The following RIMBP2 variants were observed in gnomAD, a reference collection of about 807,000 sequenced individuals.
RIMBP2 encodes the protein RIMS-binding protein 2.
RIMBP2 carries 48 observed loss-of-function variants against 118.6 expected under a neutral mutation model. The observed-to-expected ratio is 0.40, with a 90% confidence interval of 0.32 to 0.51. The LOEUF (loss-of-function observed/expected upper bound fraction) is 0.51. RIMBP2 is among the 20% of genes least tolerant of loss of function. RIMBP2 has a pLI of 0.41. For missense variants in RIMBP2, 1,551 were observed against 1,768.3 expected (o/e 0.88, Z 2.20); for synonymous variants, 762 against 742.9 (o/e 1.03, Z -0.42).
intron 6 of RIMBP2, among the ~76,000 whole-genome samples, chr12:130,468,160 T>G (rs78450136): frequency 1.3e-5 from 2 of 152,208 alleles, no homozygotes; most frequent in Non-Finnish European, 2.9e-5. Context: ...CATGGTTTCT[T>G]GGTCAACAGC....
chr12:130,436,092 C>G (rs1304684530), intron 13 of RIMBP2, among the ~76,000 whole-genome samples: 1 of 152,216 alleles, frequency 6.6e-6, no homozygotes, highest in Admixed American at 6.5e-5. Flanking sequence ...GAGATGAGAG[C>G]GGGTTCTGGG....
rs983882776 is a variant in RIMBP2, at chr12:130,695,773, G to A, written c.-352+20449C>T. On this transcript the variant is annotated intron_variant, in intron 1 of 22. Coordinates refer to ENST00000690449, the MANE Select transcript of RIMBP2 (RefSeq NM_001393629.1). Reference sequence around the variant, plus strand: ...GGATGGCTGTCTAGGTGAAGGGCAGGCTGGTCTGGACTAAGGAGCTAGCAG... The same window carrying A: ...GGATGGCTGTCTAGGTGAAGGGCAGACTGGTCTGGACTAAGGAGCTAGCAG... Among the ~76,000 whole-genome samples the A allele has an allele frequency of 3.2e-4, 48 of 152,224 alleles. 1 individual carries two copies. Among genetic ancestry groups the A allele is most frequent in the African/African-American group, 1.1e-3 (45 of 41,530 alleles).
In RIMBP2 at chr12:130,567,279, G is replaced by A. The variant is rs138952413; in HGVS notation, c.-216-49362C>T. ...ACATGTTTGCAGGCCCCAGGTTTCC[G>A]CATGGTCTGGCAGCTGGCGTATGCA... is the stretch of plus-strand genomic sequence containing the variant. On this transcript the variant is annotated intron_variant, in intron 2 of 22. Coordinates refer to ENST00000690449, the MANE Select transcript of RIMBP2 (RefSeq NM_001393629.1). Among the ~76,000 whole-genome samples, 552 of 152,268 alleles carry A rather than the reference G, an allele frequency of 3.6e-3. 2 individuals carry two copies. The highest frequency in any genetic ancestry group is 0.013 in the African/African-American group (520 of 41,536).
At chr12:130,649,968 A>G (rs1387837333) in intron 1 of RIMBP2, among the ~76,000 whole-genome samples, 2 of 152,040 alleles carry the variant, frequency 1.3e-5, no homozygotes, top group South Asian at 4.2e-4. Flanking sequence ...GAGATTCAAC[A>G]GGAACAAGCG....
At chr12:130,574,925 T>C (rs1020813607) in intron 2 of RIMBP2, among the ~76,000 whole-genome samples, 3 of 151,538 alleles carry the variant, frequency 2.0e-5, no homozygotes, top group African/African-American at 7.3e-5. Flanking sequence ...AAGACCTGAG[T>C]GCTGATGCCC....
intron 1 of RIMBP2, among the ~76,000 whole-genome samples, chr12:130,684,119 A>C (rs1025700978): frequency 6.6e-5 from 10 of 152,162 alleles, no homozygotes; most frequent in African/African-American, 1.4e-4. Flanking sequence ...CTCGGCCTCC[A>C]CAACCCCTTA....
At chr12:130,515,661 T>A (rs1319745562) in intron 3 of RIMBP2, among the ~76,000 whole-genome samples, 3 of 150,708 alleles carry the variant, frequency 2.0e-5, no homozygotes, top group African/African-American at 7.3e-5. Flanking sequence ...TACTATAAAT[T>A]TGTAACATGT....
At chr12:130,546,364 C>T (rs1378131902) in intron 2 of RIMBP2, among the ~76,000 whole-genome samples, 4 of 151,630 alleles carry the variant, frequency 2.6e-5, no homozygotes, top group African/African-American at 2.4e-5. Context: ...GGTGTGATCT[C>T]GGATCACTTC....
intron 4 of RIMBP2, among the ~76,000 whole-genome samples, chr12:130,489,999 C>T (rs2048475154): frequency 6.6e-6 from 1 of 151,908 alleles, no homozygotes; most frequent in African/African-American, 2.4e-5. Flanking sequence ...TGGCAGGCAC[C>T]TGTAGTTCCA....
chr12:130,486,766 T>C (rs1202004837), intron 4 of RIMBP2, among the ~76,000 whole-genome samples: 5 of 149,958 alleles, frequency 3.3e-5, no homozygotes, highest in African/African-American at 1.2e-4. Flanking sequence ...CCCCCACCCA[T>C]GTCTGCCGTT....
rs12424744 is a variant in RIMBP2 at position 130,521,474 on chromosome 12, C to A, written c.-216-3557G>T. Among the ~76,000 whole-genome samples the A allele has an allele frequency of 5.7e-3, 873 of 152,320 alleles. 39 individuals carry two copies. In the East Asian group the frequency reaches 0.11, roughly 19 times the overall value. On this transcript the variant is annotated intron_variant, in intron 2 of 22. Coordinates refer to ENST00000690449, the MANE Select transcript of RIMBP2 (RefSeq NM_001393629.1). Reference sequence around the variant, plus strand: ...ATAATCTGACACTCTGATTAACAAGCTTTTCTACAGCCTAGGGGGAGGCAC... The same window carrying A: ...ATAATCTGACACTCTGATTAACAAGATTTTCTACAGCCTAGGGGGAGGCAC...
intron 4 of RIMBP2, among the ~76,000 whole-genome samples, chr12:130,494,647 AAAAAG>A (rs2048968363): frequency 7.8e-6 from 1 of 127,392 alleles, no homozygotes; most frequent in Admixed American, 8.0e-5. Flanking sequence ...TCAAAAAAAA[AAAAAG>A]AAAGAAAAGA....
intron 4 of RIMBP2, among the ~76,000 whole-genome samples, chr12:130,493,088 G>C (rs1018882585): frequency 5.9e-5 from 9 of 152,110 alleles, no homozygotes; most frequent in Admixed American, 3.3e-4. Context: ...AGTGAGCCTA[G>C]ATAACGCACT....
At chr12:130,655,517 A>C (rs1327731604) in intron 1 of RIMBP2, among the ~76,000 whole-genome samples, 1 of 152,212 alleles carries the variant, frequency 6.6e-6, no homozygotes, top group Non-Finnish European at 1.5e-5. Flanking sequence ...CTGGGGCCAT[A>C]GAACAGGCCC....
At chr12:130,658,317 C>G (rs776163671) in intron 1 of RIMBP2, 1 of 152,198 alleles carries the variant, frequency 6.6e-6, no homozygotes, top group Admixed American at 6.5e-5. Flanking sequence ...CCACTGGTCC[C>G]GAAACTCCAC....
chr12:130,585,575 C>T (rs1411440293), intron 2 of RIMBP2, among the ~76,000 whole-genome samples: 1 of 149,566 alleles, frequency 6.7e-6, no homozygotes, highest in Non-Finnish European at 1.5e-5. Context: ...CATGTTTGTG[C>T]CACTGCACTC....
rs187828457 is a variant in RIMBP2, at chr12:130,650,103, G to A, written c.-351-21647C>T. Reference sequence around the variant, plus strand: ...CCTCGGGGAGACGCAGTGGGGACTCGCAGGCAACCAAGGAGGCAGTCTACA... The same window carrying A: ...CCTCGGGGAGACGCAGTGGGGACTCACAGGCAACCAAGGAGGCAGTCTACA... On this transcript the variant is annotated intron_variant, in intron 1 of 22. Transcript: ENST00000690449. Among the ~76,000 whole-genome samples the A allele has an allele frequency of 5.9e-5, 9 of 151,890 alleles. No individual in the cohort carries two copies. The East Asian group carries it at 1.6e-3, about 26-fold the overall frequency.
chr12:130,628,741 G>C (rs1381155139), intron 1 of RIMBP2, among the ~76,000 whole-genome samples: 1 of 152,154 alleles, frequency 6.6e-6, no homozygotes, highest in African/African-American at 2.4e-5. Context: ...GACTCCTTGA[G>C]TAGACCATCA....
intron 6 of RIMBP2, among the ~76,000 whole-genome samples, chr12:130,459,673 G>C (rs1023304820): frequency 6.6e-6 from 1 of 152,132 alleles, no homozygotes; most frequent in South Asian, 2.1e-4. Context: ...TGCAGGCTGC[G>C]GGCTGCCTGC....
Sources: gnomAD v4.1 joint callset for allele counts (sites outside exome capture counted in the v4.1 genomes callset) on GRCh38, gnomAD v4.1.1 for gene constraint, MANE v1.5 for transcripts, NCBI Gene and HGNC (gene_info 2026-07-23, HGNC 2026-07-21) for gene names.